USP15: variants seen among roughly 807,000 people sequenced by gnomAD.
The protein encoded by USP15 is ubiquitin specific peptidase 15, also known as ubiquitin carboxyl-terminal hydrolase 15.
USP15 carries 18 observed loss-of-function variants against 127.1 expected under a neutral mutation model. That is an observed-to-expected ratio of 0.14 (90% confidence interval 0.10 to 0.21). The LOEUF (loss-of-function observed/expected upper bound fraction) is 0.21, where lower values mean the gene tolerates loss of function less well. Among genes scored for constraint, USP15 ranks in the 10% least tolerant of loss-of-function variants. USP15 has a pLI of 1.00. For synonymous variants in USP15, 364 were observed against 393.7 expected, an observed-to-expected ratio of 0.92 and a Z score of 0.89; for missense variants, 805 against 1,159.9, an observed-to-expected ratio of 0.69 and a Z score of 4.44.
intron 6 of USP15, chr12:62,328,260 G>A (rs1351165083): frequency 8.9e-6 from 4 of 447,588 alleles, no homozygotes; most frequent in South Asian, 3.2e-5. Flanking sequence ...TTTCTATACC[G>A]AGAGATCAGC....
chr12:62,361,908 C>G (rs1468848320), intron 8 of USP15, among the ~76,000 whole-genome samples: 1 of 152,008 alleles, frequency 6.6e-6, no homozygotes, highest in African/African-American at 2.4e-5. Flanking sequence ...ATAGTAATAT[C>G]TAAATCAATT....
intron 8 of USP15, among the ~76,000 whole-genome samples, chr12:62,367,214 TG>T (rs969385695): frequency 2.6e-5 from 4 of 151,862 alleles, no homozygotes; most frequent in African/African-American, 9.7e-5. Flanking sequence ...ATTTCGGAGT[TG>T]TTTTTTTGTT....
At chr12:62,267,500 A>G (rs1215687745) in intron 1 of USP15, among the ~76,000 whole-genome samples, 1 of 152,156 alleles carries the variant, frequency 6.6e-6, no homozygotes, top group Non-Finnish European at 1.5e-5. Context: ...TTCCATCACT[A>G]AGATTCTACA....
At chr12:62,311,254 A>G (rs529450289) in intron 3 of USP15, among the ~76,000 whole-genome samples, 18 of 152,016 alleles carry the variant, frequency 1.2e-4, no homozygotes, top group African/African-American at 4.3e-4. Flanking sequence ...GTTTTTCTAT[A>G]CTGAAAATTG....
intron 1 of USP15, among the ~76,000 whole-genome samples, chr12:62,282,231 GGT>G (rs1412964944): frequency 6.6e-6 from 1 of 152,074 alleles, no homozygotes; most frequent in Non-Finnish European, 1.5e-5. Context: ...AGGAGACTGA[GGT>G]GGGAAGATCA....
chr12:62,356,108 G>A (rs569385736), intron 8 of USP15, among the ~76,000 whole-genome samples: 3 of 151,630 alleles, frequency 2.0e-5, no homozygotes, highest in East Asian at 1.9e-4. Flanking sequence ...TAAACTTAGG[G>A]CTGGTTATTT....
At chr12:62,311,849 A>G (rs1434226660) in intron 3 of USP15, among the ~76,000 whole-genome samples, 1 of 151,824 alleles carries the variant, frequency 6.6e-6, no homozygotes, top group Non-Finnish European at 1.5e-5. Context: ...GATTCAAACA[A>G]TACATTAAAA....
intron 3 of USP15, chr12:62,312,156 A>T (rs2137240175): frequency 6.3e-6 from 1 of 158,874 alleles, no homozygotes; most frequent in Non-Finnish European, 1.4e-5. Context: ...TACTCAATAA[A>T]TGCTTTTAAA....
intron 2 of USP15, among the ~76,000 whole-genome samples, chr12:62,301,021 C>T (rs2064301463): frequency 1.3e-5 from 2 of 152,040 alleles, no homozygotes; most frequent in South Asian, 4.1e-4. Flanking sequence ...TTATAAAACT[C>T]ATTTTGAAGA....
chr12:62,289,094 C>T (rs1044649635), intron 1 of USP15, among the ~76,000 whole-genome samples: 17 of 152,136 alleles, frequency 1.1e-4, no homozygotes, highest in East Asian at 3.9e-4. Flanking sequence ...CCGGGTGACA[C>T]TGGCCTTGTA....
chr12:62,267,715 A>G (rs988165392), intron 1 of USP15, among the ~76,000 whole-genome samples: 2 of 152,128 alleles, frequency 1.3e-5, no homozygotes, highest in African/African-American at 4.8e-5. Flanking sequence ...GAAGGAAGTC[A>G]AAGATCTCAC....
chr12:62,391,479 A>G (rs747334035), intron 16 of USP15, 50 bp downstream of exon 16: 2 of 1,370,082 alleles, frequency 1.5e-6, no homozygotes, highest in South Asian at 1.4e-5. Context: ...CGAGCATGTT[A>G]TTTTTTTTTT....
chr12:62,288,344 C>CTTTTTTTTTTTTTTTTTT (rs34110065), intron 1 of USP15, among the ~76,000 whole-genome samples: 1 of 114,452 alleles, frequency 8.7e-6, no homozygotes, highest in Non-Finnish European at 1.7e-5. Flanking sequence ...TGGCATTTTA[C>CTTTTTTTTTTTTTTTTTT]TTTTTTTTTT....
chr12:62,382,095 T>A (rs2067007512), intron 9 of USP15, among the ~76,000 whole-genome samples: 1 of 151,942 alleles, frequency 6.6e-6, no homozygotes, highest in Admixed American at 6.6e-5. Flanking sequence ...ACTTTGAGAG[T>A]CATTATGAAT....
intron 11 of USP15, among the ~76,000 whole-genome samples, chr12:62,386,616 T>C (rs138889637): frequency 1.1e-3 from 172 of 152,118 alleles, no homozygotes; most frequent in Non-Finnish European, 1.6e-3. Context: ...AAAGAACTTA[T>C]GGGAGAAGAG....
chr12:62,383,230 A>G (rs1330437270), intron 9 of USP15, among the ~76,000 whole-genome samples: 1 of 151,916 alleles, frequency 6.6e-6, no homozygotes, highest in African/African-American at 2.4e-5. Context: ...TAGGGAAACT[A>G]TAGGGTTTGA....
chr12:62,335,693 A>G, intron 6 of USP15: 1 of 985,660 alleles, frequency 1.0e-6, no homozygotes, highest in Non-Finnish European at 1.2e-6. Flanking sequence ...TACTTCCTCC[A>G]TTTACCATCC....
intron 8 of USP15, among the ~76,000 whole-genome samples, chr12:62,381,118 C>T (rs1050480289): frequency 6.6e-6 from 1 of 152,186 alleles, no homozygotes; most frequent in African/African-American, 2.4e-5. Context: ...TTTTTACCTA[C>T]TCAGGCTAAT....
chr12:62,396,524 TATTG>T, intron 20 of USP15, 126 bp downstream of exon 20: 1 of 795,966 alleles, frequency 1.3e-6, no homozygotes, highest in Non-Finnish European at 2.0e-6. Context: ...AGTAGTTCAG[TATTG>T]ATTAATGAAT....
Sources: gnomAD v4.1 joint callset for allele counts (sites outside exome capture counted in the v4.1 genomes callset) on GRCh38, gnomAD v4.1.1 for gene constraint, MANE v1.5 for transcripts, NCBI Gene and HGNC (gene_info 2026-07-23, HGNC 2026-07-21) for gene names.